The following MAPKAP1 variants were observed in gnomAD, a reference collection of about 807,000 sequenced individuals.
The protein encoded by MAPKAP1 is MAPK associated protein 1, also known as target of rapamycin complex 2 subunit MAPKAP1.
MAPKAP1 carries 20 observed loss-of-function variants against 65.7 expected under a neutral mutation model. The ratio of observed to expected loss-of-function variants is 0.30; its 90% CI spans 0.21 to 0.44. MAPKAP1 has a LOEUF of 0.44. Among genes scored for constraint, MAPKAP1 ranks in the 20% least tolerant of loss-of-function variants. The probability of loss-of-function intolerance (pLI) is 1.00; values close to 1 mark genes in which losing one functional copy is unlikely to be tolerated. For missense variants in MAPKAP1, 423 were observed against 648.0 expected, an observed-to-expected ratio of 0.65 and a Z score of 3.77; for synonymous variants, 222 against 244.3, an observed-to-expected ratio of 0.91 and a Z score of 0.85.
At chr9:125,588,003 T>C (rs1191904211) in intron 4 of MAPKAP1, among the ~76,000 whole-genome samples, 2 of 152,238 alleles carry the variant, frequency 1.3e-5, no homozygotes, top group African/African-American at 4.8e-5. Flanking sequence ...TGTGAAAATG[T>C]TCGGCAGTTT....
intron 4 of MAPKAP1, among the ~76,000 whole-genome samples, chr9:125,632,924 A>G (rs1383029300): frequency 3.9e-5 from 6 of 152,232 alleles, no homozygotes; most frequent in Admixed American, 1.3e-4. Context: ...GAAATTCAGA[A>G]CAAAGAATTT....
chr9:125,602,201 C>T (rs1459193310), intron 4 of MAPKAP1, among the ~76,000 whole-genome samples: 1 of 152,084 alleles, frequency 6.6e-6, no homozygotes. Context: ...TACAATGAGC[C>T]GTGATCACAC....
intron 10 of MAPKAP1, among the ~76,000 whole-genome samples, chr9:125,446,816 A>AAAACC (rs1852735142): frequency 1.3e-5 from 2 of 152,300 alleles, no homozygotes; most frequent in Admixed American, 6.5e-5. Context: ...TGTCACTGAC[A>AAAACC]AAACCAAACC....
At chr9:125,645,094 G>A (rs773174760) in intron 4 of MAPKAP1, among the ~76,000 whole-genome samples, 61 of 152,016 alleles carry the variant, frequency 4.0e-4, no homozygotes, top group Non-Finnish European at 7.6e-4. Context: ...AAAAGTAACC[G>A]TCACCAAAAG....
intron 3 of MAPKAP1, among the ~76,000 whole-genome samples, chr9:125,663,386 C>G (rs1460105273): frequency 6.6e-6 from 1 of 152,182 alleles, no homozygotes; most frequent in Non-Finnish European, 1.5e-5. Context: ...TAGATCTCTA[C>G]TCAAACAGTA....
intron 4 of MAPKAP1, among the ~76,000 whole-genome samples, chr9:125,629,453 C>T (rs1015530584): frequency 6.6e-6 from 1 of 152,204 alleles, no homozygotes; most frequent in Non-Finnish European, 1.5e-5. Flanking sequence ...TATGCTACAA[C>T]ATGGATGAAC....
At chr9:125,627,844 T>C (rs1564590959) in intron 4 of MAPKAP1, among the ~76,000 whole-genome samples, 3 of 152,200 alleles carry the variant, frequency 2.0e-5, no homozygotes, top group African/African-American at 4.8e-5. Context: ...TCATAGGCTG[T>C]TGGAGCCAGA....
chr9:125,500,586 T>C (rs978669525), intron 8 of MAPKAP1, among the ~76,000 whole-genome samples: 8 of 152,180 alleles, frequency 5.3e-5, no homozygotes, highest in African/African-American at 1.9e-4. Context: ...CATACATGCA[T>C]ATACAAAATG....
intron 9 of MAPKAP1, among the ~76,000 whole-genome samples, chr9:125,468,945 T>G (rs1313644148): frequency 1.3e-5 from 2 of 152,134 alleles, no homozygotes; most frequent in African/African-American, 4.8e-5. Flanking sequence ...CTGGAATAAG[T>G]GTGGAAATGC....
chr9:125,694,961 T>C (rs181470030), intron 1 of MAPKAP1, among the ~76,000 whole-genome samples: 1 of 152,368 alleles, frequency 6.6e-6, no homozygotes, highest in Admixed American at 6.5e-5. Flanking sequence ...TTATTTTGCC[T>C]AGTTTAGGAT....
intron 4 of MAPKAP1, among the ~76,000 whole-genome samples, chr9:125,616,782 G>T (rs925186817): frequency 1.3e-5 from 2 of 152,146 alleles, no homozygotes; most frequent in Non-Finnish European, 2.9e-5. Flanking sequence ...AGCTGAAGCT[G>T]CACATAGATC....
chr9:125,592,139 C>A (rs775012096), intron 4 of MAPKAP1, among the ~76,000 whole-genome samples: 18 of 152,166 alleles, frequency 1.2e-4, no homozygotes, highest in Non-Finnish European at 2.5e-4. Context: ...GCAGACCAGA[C>A]CCTCATCAAA....
chr9:125,477,569 A>G (rs1480775913), intron 9 of MAPKAP1, among the ~76,000 whole-genome samples: 1 of 152,200 alleles, frequency 6.6e-6, no homozygotes. Context: ...TGCTCTGCAT[A>G]TAAGAGGTGT....
At chr9:125,506,091 TCA>T (rs1209662124) in intron 8 of MAPKAP1, 2 of 577,026 alleles carry the variant, frequency 3.5e-6, no homozygotes, top group African/African-American at 1.9e-5. Context: ...AAAATATTAA[TCA>T]CAGAGTGCTA....
At chr9:125,518,661 C>A (rs1331647103) in intron 7 of MAPKAP1, among the ~76,000 whole-genome samples, 1 of 152,036 alleles carries the variant, frequency 6.6e-6, no homozygotes, top group Non-Finnish European at 1.5e-5. Context: ...CAGAGCAAGA[C>A]CATCTCTAAA....
At chr9:125,682,598 T>A (rs1834857019) in intron 1 of MAPKAP1, among the ~76,000 whole-genome samples, 1 of 152,210 alleles carries the variant, frequency 6.6e-6, no homozygotes. Flanking sequence ...TTCCAATGGG[T>A]GTTGTCTCTC....
intron 4 of MAPKAP1, among the ~76,000 whole-genome samples, chr9:125,588,655 T>C (rs1831863003): frequency 6.6e-6 from 1 of 152,196 alleles, no homozygotes; most frequent in Non-Finnish European, 1.5e-5. Context: ...ATTGTAACAG[T>C]TCCCAAATTA....
At chr9:125,559,925 T>C (rs1268063216) in intron 5 of MAPKAP1, 116 bp from the exon 6 acceptor site, 2 of 995,188 alleles carry the variant, frequency 2.0e-6, no homozygotes, top group East Asian at 2.6e-5. Flanking sequence ...ACCCCAAGCC[T>C]GGTGATACAG....
At position 125,468,072 on chromosome 9, in the gene MAPKAP1, C is replaced by T. The variant is rs377231428; in HGVS notation, c.1245G>A (p.Thr415=). ...AAAACTTAGTGCTGGCTTTCTGATT[C>T]GTAACAGGGTCTATCTCTACTTTGT... ...SGDKVEIDPV[T]NQKASTKFWI... is the part of the protein sequence containing the mutation. Residue 415 remains threonine, a synonymous_variant, in exon 10 of 12, where the codon ACG becomes ACA. Transcript: ENST00000265960. 394 of 1,614,068 alleles carry T rather than the reference C, an allele frequency of 2.4e-4. 1 individual carries two copies. The highest frequency in any genetic ancestry group is 3.3e-4 in the Admixed American group (20 of 60,006).
Sources: gnomAD v4.1 joint callset for allele counts (sites outside exome capture counted in the v4.1 genomes callset) on GRCh38, gnomAD v4.1.1 for gene constraint, MANE v1.5 for transcripts, NCBI Gene and HGNC (gene_info 2026-07-23, HGNC 2026-07-21) for gene names.